The following NDUFAF6 variants were observed in gnomAD, a reference collection of about 807,000 sequenced individuals.
NDUFAF6 encodes the protein NADH:ubiquinone oxidoreductase complex assembly factor 6, also known as NADH dehydrogenase (ubiquinone) complex I, assembly factor 6.
In NDUFAF6, 45 loss-of-function variants were observed where a neutral mutation model predicts 40.8. The observed-to-expected ratio is 1.10, with a 90% confidence interval of 0.87 to 1.42. NDUFAF6 has a LOEUF of 1.42. Ranked by LOEUF, NDUFAF6 falls within the 40% of genes most tolerant of loss-of-function variation. The pLI is 0.00. For synonymous variants in NDUFAF6, 185 were observed against 155.9 expected, an observed-to-expected ratio of 1.19 and a Z score of -1.39; for missense variants, 435 against 418.5, an observed-to-expected ratio of 1.04 and a Z score of -0.34.
rs756854954 is a variant in NDUFAF6 at position 95,046,994 on chromosome 8, G to T, written c.581G>T (p.Gly194Val). 6 of 1,613,934 alleles carry T rather than the reference G, an allele frequency of 3.7e-6. No individual in the cohort carries two copies. The Admixed American group carries it at 1.0e-4, about 27-fold the overall frequency. Reference protein sequence around the residue: ...SLLYLTLEILGIKDLHADHAA... With the variant: ...SLLYLTLEILVIKDLHADHAA... ...CCCTGTGTAATTTCTGAAATCATAG[G>T]TATAAAGGATCTTCATGCAGATCAT... The change falls in exon 6 of 9, where the codon GGT becomes GTT. Residue 194 changes from glycine to valine, a missense_variant and splice_region_variant. Transcript: ENST00000396124.
chr8:94,937,314 G>A (rs113079817), intron 1 of NDUFAF6, among the ~76,000 whole-genome samples: 84 of 151,900 alleles, frequency 5.5e-4, no homozygotes, highest in African/African-American at 1.8e-3. Flanking sequence ...GGTGGCGGGC[G>A]CCTGTAATCC....
At chr8:94,943,496 T>TTA (rs571836645) in intron 1 of NDUFAF6, among the ~76,000 whole-genome samples, 246 of 152,154 alleles carry the variant, frequency 1.6e-3, no homozygotes, top group Middle Eastern at 0.01. Flanking sequence ...CAAAAAAAAG[T>TTA]TATATATATG....
chr8:95,102,430 C>T (rs906842766), intron 2 of NDUFAF6, among the ~76,000 whole-genome samples: 1 of 152,224 alleles, frequency 6.6e-6, no homozygotes, highest in East Asian at 1.9e-4. Context: ...TGAGATAGAG[C>T]ACCTAAGGAA....
At chr8:94,899,778 C>G (rs907830662) in intron 1 of NDUFAF6, among the ~76,000 whole-genome samples, 2 of 152,226 alleles carry the variant, frequency 1.3e-5, no homozygotes, top group Non-Finnish European at 2.9e-5. Flanking sequence ...CATGCATTGC[C>G]TCTTGCAGTC....
chr8:94,931,064 A>C (rs2131312706), intron 1 of NDUFAF6, among the ~76,000 whole-genome samples: 1 of 152,352 alleles, frequency 6.6e-6, no homozygotes, highest in East Asian at 1.9e-4. Context: ...CATTTATTGA[A>C]TATCTGCATT....
chr8:95,033,071 A>T (rs1829044093), intron 2 of NDUFAF6, among the ~76,000 whole-genome samples: 1 of 152,152 alleles, frequency 6.6e-6, no homozygotes, highest in South Asian at 2.1e-4. Flanking sequence ...TTAATTTTAC[A>T]GACAGGTCAC....
chr8:95,082,496 CTG>C (rs1327231681), intron 2 of NDUFAF6, among the ~76,000 whole-genome samples: 3 of 134,882 alleles, frequency 2.2e-5, no homozygotes, highest in Non-Finnish European at 4.6e-5. Flanking sequence ...ACTTAATACA[CTG>C]TATGATTTCC....
intron 2 of NDUFAF6, among the ~76,000 whole-genome samples, chr8:94,983,136 A>G (rs1259679618): frequency 6.6e-6 from 1 of 152,214 alleles, no homozygotes; most frequent in Non-Finnish European, 1.5e-5. Context: ...GCAAAATAGA[A>G]TAATAACTAC....
intron 2 of NDUFAF6, among the ~76,000 whole-genome samples, chr8:95,089,883 A>C (rs1207881400): frequency 6.6e-6 from 1 of 152,132 alleles, no homozygotes; most frequent in African/African-American, 2.4e-5. Context: ...AGTGGGGCCC[A>C]TGTGTTGTGT....
At chr8:94,920,366 T>A (rs186535551) in intron 1 of NDUFAF6, among the ~76,000 whole-genome samples, 1 of 152,360 alleles carries the variant, frequency 6.6e-6, no homozygotes, top group African/African-American at 2.4e-5. Flanking sequence ...ATTTGGTGTC[T>A]GGCAAAGTCT....
chr8:95,079,641 G>A (rs1808751415), downstream of NDUFAF6, among the ~76,000 whole-genome samples: 1 of 151,858 alleles, frequency 6.6e-6, no homozygotes. Flanking sequence ...TTAAACTATA[G>A]GACCAAACTC....
chr8:94,968,584 G>A (rs1824206403), intron 1 of NDUFAF6, among the ~76,000 whole-genome samples: 1 of 152,210 alleles, frequency 6.6e-6, no homozygotes, highest in African/African-American at 2.4e-5. Context: ...CTGGAGCTGA[G>A]TGAGCAAGGG....
At chr8:95,079,678 C>G (rs1020940458), downstream of NDUFAF6, among the ~76,000 whole-genome samples, 1 of 151,110 alleles carries the variant, frequency 6.6e-6, no homozygotes, top group African/African-American at 2.4e-5. Context: ...AAAACTGATT[C>G]TTGAAGGAAG....
At chr8:94,941,899 G>T (rs181837568) in intron 1 of NDUFAF6, among the ~76,000 whole-genome samples, 6 of 152,226 alleles carry the variant, frequency 3.9e-5, no homozygotes, top group Admixed American at 3.9e-4. Context: ...CCTGATGGGC[G>T]TATCAAACCA....
chr8:94,907,825 TGACACA>T (rs1423921304), intron 1 of NDUFAF6, among the ~76,000 whole-genome samples: 4 of 152,024 alleles, frequency 2.6e-5, no homozygotes, highest in Admixed American at 2.0e-4. Context: ...TTTAGTCCTG[TGACACA>T]TCCCTCAGGA....
At chr8:94,976,501 CA>C (rs35323204) in intron 1 of NDUFAF6, among the ~76,000 whole-genome samples, 1,407 of 91,896 alleles carry the variant, frequency 0.015, 20 homozygotes, top group African/African-American at 0.035. Context: ...CACTCCATCT[CA>C]AAAAAAAAAA....
At chr8:94,968,946 T>C (rs1188403039) in intron 1 of NDUFAF6, among the ~76,000 whole-genome samples, 2 of 152,072 alleles carry the variant, frequency 1.3e-5, no homozygotes, top group African/African-American at 4.8e-5. Flanking sequence ...AGCATAAGAA[T>C]CTCTAAGGTC....
In NDUFAF6 at chr8:95,019,886, T is replaced by C. The variant is rs1827618468; in HGVS notation, c.-83-12109T>C. Among the ~76,000 whole-genome samples the C allele has an allele frequency of 2.0e-5, 3 of 152,340 alleles. No individual in the cohort carries two copies. In the South Asian group the frequency reaches 6.2e-4, roughly 32 times the overall value. ...TTCTTTCAAATCTAAAATTGTACAATTCTATATTTTTTAAAAAAATGGTAA... is the reference window on the plus strand; with the variant it reads ...TTCTTTCAAATCTAAAATTGTACAACTCTATATTTTTTAAAAAAATGGTAA... On this transcript the variant is annotated intron_variant, in intron 2 of 9. Coordinates refer to the NDUFAF6 transcript ENST00000396111.
intron 1 of NDUFAF6, chr8:94,925,939 A>G (rs1819852085): frequency 6.6e-6 from 1 of 152,644 alleles, no homozygotes; most frequent in African/African-American, 2.4e-5. Context: ...TTTTAATATT[A>G]ATGAGTATAA....
Sources: gnomAD v4.1 joint callset for allele counts (sites outside exome capture counted in the v4.1 genomes callset) on GRCh38, gnomAD v4.1.1 for gene constraint, MANE v1.5 for transcripts, NCBI Gene and HGNC (gene_info 2026-07-23, HGNC 2026-07-21) for gene names.